ZPBP: variants seen among roughly 807,000 people sequenced by gnomAD.
ZPBP encodes zona pellucida-binding protein 1.
In ZPBP, 26 loss-of-function variants were observed where a neutral mutation model predicts 44.8. The observed-to-expected ratio is 0.58, with a 90% CI of 0.43 to 0.81. The LOEUF (loss-of-function observed/expected upper bound fraction) is 0.81. Ranked by LOEUF, ZPBP falls within the 30% of genes least tolerant of loss-of-function variation. ZPBP has a pLI of 0.00. For synonymous variants in ZPBP, 174 were observed against 153.2 expected (o/e 1.14, Z -1.00); for missense variants, 409 against 434.0 (o/e 0.94, Z 0.51).
rs1339474720 is a variant in ZPBP at position 50,031,262 on chromosome 7, G to A, written c.536C>T (p.Ala179Val). Reference protein sequence around the residue: ...YYYQFTARYHAAPCNSIYNIS... With the variant: ...YYYQFTARYHVAPCNSIYNIS... ...ATTATAAATGCTATTGCAGGGAGCT[G>A]CATGATATCGAGCTGTGAACTGATA... The change falls in exon 5 of 8, where the codon GCA becomes GTA. Residue 179 changes from alanine (A) to valine (V), a missense_variant. By Grantham distance (64) the Ala-to-Val change is moderately conservative (BLOSUM62 0). Around this residue, in one of 2 missense-constraint regions of ZPBP, gnomAD observed 367 missense variants for 363.1 expected, o/e 1.01. Coordinates refer to ENST00000046087, the MANE Select transcript of ZPBP (RefSeq NM_007009.3). 1 of 1,611,944 alleles carries A rather than the reference G, an allele frequency of 6.2e-7. No homozygotes were observed. The highest frequency in any genetic ancestry group is 1.3e-5 in the African/African-American group (1 of 74,826).
At chr7:49,910,433 G>T (rs7795532) in intron 1 of ZPBP, among the ~76,000 whole-genome samples, 1 of 152,140 alleles carries the variant, frequency 6.6e-6, no homozygotes, top group African/African-American at 2.4e-5. Flanking sequence ...AAGCAAAGAA[G>T]GGAGGAGAAT....
chr7:49,868,414 A>G (rs1339295398), intron 2 of ZPBP, among the ~76,000 whole-genome samples: 3 of 152,170 alleles, frequency 2.0e-5, no homozygotes, highest in Non-Finnish European at 4.4e-5. Flanking sequence ...TATTTGTGAG[A>G]TGAAGCACAT....
chr7:50,010,119 C>T (rs1798501305), intron 6 of ZPBP, among the ~76,000 whole-genome samples: 1 of 152,050 alleles, frequency 6.6e-6, no homozygotes, highest in South Asian at 2.1e-4. Flanking sequence ...GATTTTTGTA[C>T]ACATCTACAA....
downstream of ZPBP, among the ~76,000 whole-genome samples, chr7:49,934,094 G>A (rs142541794): frequency 1.5e-3 from 233 of 150,936 alleles, 1 homozygote; most frequent in African/African-American, 5.4e-3. Context: ...TACAGGCTTG[G>A]GTTCAGGCAC....
At chr7:49,909,874 C>A (rs1397053780) in intron 1 of ZPBP, among the ~76,000 whole-genome samples, 1 of 152,042 alleles carries the variant, frequency 6.6e-6, no homozygotes, top group African/African-American at 2.4e-5. Flanking sequence ...GAGGTCAAGG[C>A]GGGAGGATCT....
At chr7:50,000,780 G>A (rs1584017019) in intron 6 of ZPBP, among the ~76,000 whole-genome samples, 1 of 152,118 alleles carries the variant, frequency 6.6e-6, no homozygotes, top group Non-Finnish European at 1.5e-5. Context: ...GATGACCCAA[G>A]CTGCAATGAG....
intron 7 of ZPBP, among the ~76,000 whole-genome samples, chr7:49,948,528 A>C (rs1405123396): frequency 6.6e-6 from 1 of 152,156 alleles, no homozygotes; most frequent in Non-Finnish European, 1.5e-5. Context: ...ATAATTCAAC[A>C]AACAACCCAA....
At chr7:49,976,010 G>A (rs1285086945) in intron 7 of ZPBP, among the ~76,000 whole-genome samples, 1 of 151,814 alleles carries the variant, frequency 6.6e-6, no homozygotes, top group Non-Finnish European at 1.5e-5. Flanking sequence ...ATCTTTTAGT[G>A]GCTGTCCTAA....
intron 2 of ZPBP, among the ~76,000 whole-genome samples, chr7:49,892,670 GC>G (rs906157175): frequency 3.3e-5 from 5 of 152,196 alleles, no homozygotes; most frequent in African/African-American, 1.2e-4. Flanking sequence ...AATAATACTT[GC>G]CCAGTGAGTT....
chr7:49,985,814 C>T (rs138034750), intron 6 of ZPBP, among the ~76,000 whole-genome samples: 48 of 152,286 alleles, frequency 3.2e-4, no homozygotes, highest in Non-Finnish European at 5.7e-4. Flanking sequence ...TCTGCACATG[C>T]TGGCAACAGA....
chr7:49,982,874 CAG>C (rs1562822119), intron 7 of ZPBP, among the ~76,000 whole-genome samples: 1 of 151,952 alleles, frequency 6.6e-6, no homozygotes, highest in South Asian at 2.1e-4. Context: ...GAATGAATGT[CAG>C]AGAGCAGCTC....
chr7:49,977,285 G>C (rs578102706), intron 7 of ZPBP, among the ~76,000 whole-genome samples: 2 of 151,916 alleles, frequency 1.3e-5, no homozygotes, highest in African/African-American at 4.8e-5. Flanking sequence ...TCGAAAAGGC[G>C]GATGAGTTTT....
intron 2 of ZPBP, among the ~76,000 whole-genome samples, chr7:49,884,834 C>T (rs573786848): frequency 2.3e-4 from 35 of 151,834 alleles, no homozygotes; most frequent in African/African-American, 5.6e-4. Context: ...ATGATATAGA[C>T]GTCAATAGTT....
chr7:50,092,097 C>A (rs188301174), intron 1 of ZPBP, among the ~76,000 whole-genome samples: 1 of 152,270 alleles, frequency 6.6e-6, no homozygotes, highest in African/African-American at 2.4e-5. Context: ...TATTCTATTT[C>A]TTATATCTCA....
intron 4 of ZPBP, among the ~76,000 whole-genome samples, chr7:50,034,922 C>A (rs144057745): frequency 6.6e-6 from 1 of 152,100 alleles, no homozygotes; most frequent in African/African-American, 2.4e-5. Context: ...ATTTCTTCCC[C>A]AAATATTGAG....
chr7:49,954,048 T>A (rs1472869655), intron 7 of ZPBP, among the ~76,000 whole-genome samples: 1 of 152,074 alleles, frequency 6.6e-6, no homozygotes, highest in African/African-American at 2.4e-5. Flanking sequence ...AACTTCCAAT[T>A]TCAAAAATTA....
In ZPBP at chr7:50,077,818, T is replaced by C. The variant is rs143003178; in HGVS notation, c.334+3956A>G. On this transcript the variant is annotated intron_variant, in intron 3 of 7. Transcript: ENST00000046087. ...GGAATGTAAACTAGTACAACCATTATGGTGAACAGTTTGGAGGCTTCTCAA... is the reference window on the plus strand; with the variant it reads ...GGAATGTAAACTAGTACAACCATTACGGTGAACAGTTTGGAGGCTTCTCAA... Among the ~76,000 whole-genome samples the C allele has an allele frequency of 9.1e-4, 138 of 152,024 alleles. 1 individual carries two copies. The highest frequency in any genetic ancestry group is 1.5e-3 in the Non-Finnish European group (105 of 67,810).
chr7:50,050,831 C>T (rs1800657706), intron 4 of ZPBP, among the ~76,000 whole-genome samples: 1 of 110,846 alleles, frequency 9.0e-6, no homozygotes, highest in African/African-American at 3.4e-5. Flanking sequence ...ATTATAAAAA[C>T]CCTAGAAGAA....
At chr7:49,998,897 T>TGC (rs1188810062) in intron 6 of ZPBP, among the ~76,000 whole-genome samples, 1 of 151,930 alleles carries the variant, frequency 6.6e-6, no homozygotes, top group Non-Finnish European at 1.5e-5. Flanking sequence ...CACACACAAA[T>TGC]GCACACACAC....
Sources: gnomAD v4.1 joint callset for allele counts (sites outside exome capture counted in the v4.1 genomes callset) on GRCh38, gnomAD v4.1.1 for gene constraint, gnomAD v4.1.1 regional missense constraint, MANE v1.5 for transcripts, NCBI Gene and HGNC (gene_info 2026-07-23, HGNC 2026-07-21) for gene names.